PCSK2: variants seen among roughly 807,000 people sequenced by gnomAD.
The protein encoded by PCSK2 is neuroendocrine convertase 2.
PCSK2 carries 14 observed loss-of-function variants against 69.7 expected under a neutral mutation model. The observed-to-expected ratio is 0.20, with a 90% CI of 0.13 to 0.31. PCSK2 has a LOEUF of 0.31. Among genes scored for constraint, PCSK2 ranks in the 10% least tolerant of loss-of-function variants. PCSK2 has a pLI of 1.00. For missense variants in PCSK2, 544 were observed against 842.5 expected, an observed-to-expected ratio of 0.65 and a Z score of 4.39; for synonymous variants, 307 against 320.7, an observed-to-expected ratio of 0.96 and a Z score of 0.46.
intron 6 of PCSK2, among the ~76,000 whole-genome samples, chr20:17,420,750 A>T (rs1237134897): frequency 6.6e-6 from 1 of 152,198 alleles, no homozygotes; most frequent in African/African-American, 2.4e-5. Flanking sequence ...TATGTAGACA[A>T]ATGTAATATT....
intron 5 of PCSK2, among the ~76,000 whole-genome samples, chr20:17,401,314 G>A (rs1300485767): frequency 2.0e-5 from 3 of 152,162 alleles, no homozygotes; most frequent in African/African-American, 7.2e-5. Flanking sequence ...CCAAGACCAA[G>A]GTGCCAGCAG....
chr20:17,260,853 T>G (rs1442438372), intron 2 of PCSK2, among the ~76,000 whole-genome samples: 1 of 152,134 alleles, frequency 6.6e-6, no homozygotes, highest in Non-Finnish European at 1.5e-5. Context: ...TATCTCAGCC[T>G]TTCTTTTTAT....
chr20:17,270,144 A>G (rs1987803830), intron 2 of PCSK2, among the ~76,000 whole-genome samples: 2 of 152,140 alleles, frequency 1.3e-5, no homozygotes, highest in South Asian at 4.1e-4. Context: ...GAATATTTCT[A>G]AGATAACGTT....
intron 1 of PCSK2, among the ~76,000 whole-genome samples, chr20:17,230,221 A>G (rs1430559497): frequency 6.6e-6 from 1 of 151,842 alleles, no homozygotes; most frequent in South Asian, 2.1e-4. Flanking sequence ...CCAACTCCCT[A>G]CTGCTCCCTG....
chr20:17,369,916 C>A lies in PCSK2; in HGVS notation c.543+639C>A, dbSNP rs141908865. Among the ~76,000 whole-genome samples the A allele has an allele frequency of 6.1e-3, 933 of 152,288 alleles. 9 individuals carry two copies. The highest frequency in any genetic ancestry group is 0.02 in the African/African-American group (847 of 41,552). ...TTTGATTATTTGTGTCACTTATGACCACTCCACTGACTTTCCCCCATAACA... is the reference window on the plus strand; with the variant it reads ...TTTGATTATTTGTGTCACTTATGACAACTCCACTGACTTTCCCCCATAACA... On this transcript the variant is annotated intron_variant, in intron 5 of 11. Coordinates refer to ENST00000262545, the MANE Select transcript of PCSK2 (RefSeq NM_002594.5).
intron 2 of PCSK2, among the ~76,000 whole-genome samples, chr20:17,281,598 T>C (rs2123046626): frequency 6.6e-6 from 1 of 152,368 alleles, no homozygotes; most frequent in Non-Finnish European, 1.5e-5. Context: ...CTAATTAATC[T>C]GCCCACTTAA....
Position 17,473,328 on chromosome 20 carries a change from G to A in PCSK2, c.1430+7775G>A, listed in dbSNP as rs193034836. On this transcript the variant is annotated intron_variant, in intron 11 of 11. Transcript: ENST00000262545. Reference sequence around the variant, plus strand: ...AGGCTGGTCTTGAACTCCTGACCTCGTGTTCCGACCCCTCGGCCTCGCAAA... The same window carrying A: ...AGGCTGGTCTTGAACTCCTGACCTCATGTTCCGACCCCTCGGCCTCGCAAA... Among the ~76,000 whole-genome samples the A allele has an allele frequency of 2.6e-5, 4 of 152,044 alleles. 1 individual carries two copies. In the East Asian group the frequency reaches 7.8e-4, roughly 30 times the overall value.
intron 6 of PCSK2, among the ~76,000 whole-genome samples, chr20:17,427,487 A>G (rs1174409771): frequency 6.6e-6 from 1 of 152,196 alleles, no homozygotes; most frequent in South Asian, 2.1e-4. Flanking sequence ...TCACCCTGAC[A>G]GTCCAGCTGT....
At chr20:17,296,727 T>C (rs1988906823) in intron 2 of PCSK2, among the ~76,000 whole-genome samples, 1 of 152,188 alleles carries the variant, frequency 6.6e-6, no homozygotes, top group African/African-American at 2.4e-5. Context: ...TCATAATTTT[T>C]TATCAGAAGA....
At chr20:17,452,977 CTG>C (rs1365666696) in intron 8 of PCSK2, among the ~76,000 whole-genome samples, 2 of 152,202 alleles carry the variant, frequency 1.3e-5, no homozygotes. Flanking sequence ...GTGCTTACTA[CTG>C]TGTGTTTAAG....
chr20:17,402,692 T>A (rs1427579966), intron 5 of PCSK2, among the ~76,000 whole-genome samples: 2 of 138,320 alleles, frequency 1.4e-5, no homozygotes, highest in Middle Eastern at 0.013. Context: ...TGGTGGCTCA[T>A]GCCTGTAATC....
At chr20:17,230,936 C>T (rs1173541961) in intron 1 of PCSK2, among the ~76,000 whole-genome samples, 3 of 152,188 alleles carry the variant, frequency 2.0e-5, no homozygotes, top group African/African-American at 7.2e-5. Flanking sequence ...CTATGTCTAT[C>T]AGAAAAGATA....
chr20:17,353,337 C>T lies in PCSK2; in HGVS notation c.283-4990C>T, dbSNP rs1410965747. On this transcript the variant is annotated intron_variant, in intron 2 of 11. Transcript: ENST00000262545. Reference sequence around the variant, plus strand: ...AAAATTAGCTGGGCGTGGTGGCACACGCCTATAGTCCCAGCTACTCGGGTG... The same window carrying T: ...AAAATTAGCTGGGCGTGGTGGCACATGCCTATAGTCCCAGCTACTCGGGTG... 7.2e-5 allele frequency among the ~76,000 whole-genome samples: 11 copies of T among 151,854 alleles called. No homozygotes were observed. The South Asian group carries it at 8.3e-4, about 12-fold the overall frequency.
chr20:17,384,310 A>G (rs6080671), intron 5 of PCSK2, among the ~76,000 whole-genome samples: 46,322 of 151,618 alleles, frequency 0.31, 7,510 homozygotes, highest in East Asian at 0.5. Context: ...ATTTGAGGCC[A>G]GGCCTGGTGG....
chr20:17,437,337 G>A (rs2032505262), intron 8 of PCSK2, among the ~76,000 whole-genome samples: 1 of 152,224 alleles, frequency 6.6e-6, no homozygotes, highest in South Asian at 2.1e-4. Flanking sequence ...GTGGGGCAGG[G>A]GGTCTGAGCA....
intron 2 of PCSK2, among the ~76,000 whole-genome samples, chr20:17,347,884 G>A (rs1210526174): frequency 3.1e-4 from 1 of 3,208 alleles, no homozygotes; most frequent in African/African-American, 7.7e-4. Context: ...AAGAAAGAAA[G>A]AAAGAAAGAA....
chr20:17,239,602 G>A (rs1293464882), intron 1 of PCSK2, among the ~76,000 whole-genome samples: 1 of 152,092 alleles, frequency 6.6e-6, no homozygotes, highest in Non-Finnish European at 1.5e-5. Context: ...AGAGTTATGG[G>A]AGTTTCAAGC....
At chr20:17,297,116 GTATT>G (rs1988920599) in intron 2 of PCSK2, among the ~76,000 whole-genome samples, 1 of 152,204 alleles carries the variant, frequency 6.6e-6, no homozygotes, top group African/African-American at 2.4e-5. Context: ...AGTAAACAGG[GTATT>G]GTATGCAGTG....
chr20:17,347,864 A>AG (rs1990705096), intron 2 of PCSK2, among the ~76,000 whole-genome samples: 1 of 85,514 alleles, frequency 1.2e-5, no homozygotes, highest in African/African-American at 4.5e-5. Context: ...AAGAAAGAGG[A>AG]GAGAGAAAAA....
Sources: allele counts gnomAD v4.1 joint callset (sites outside exome capture counted in the v4.1 genomes callset), GRCh38; gene constraint gnomAD v4.1.1; transcripts MANE v1.5; gene names NCBI Gene and HGNC (gene_info 2026-07-23, HGNC 2026-07-21).